Variants in MCPH1 observed in about 807,000 individuals in gnomAD.
MCPH1 encodes microcephalin.
MCPH1 carries 104 observed loss-of-function variants against 84.5 expected under a neutral mutation model. The observed-to-expected ratio is 1.23, with a 90% CI of 1.05 to 1.45. The LOEUF is 1.45. Ranked by LOEUF, MCPH1 falls within the 40% of genes most tolerant of loss-of-function variation. The probability of loss-of-function intolerance (pLI) is 0.00; values close to 1 mark genes in which losing one functional copy is unlikely to be tolerated. For missense variants in MCPH1, 1,498 were observed against 1,005.7 expected, an observed-to-expected ratio of 1.49 and a Z score of -6.62; for synonymous variants, 514 against 366.8, an observed-to-expected ratio of 1.40 and a Z score of -4.58.
At chr8:6,607,975 G>C (rs1829929554) in intron 12 of MCPH1, among the ~76,000 whole-genome samples, 1 of 152,214 alleles carries the variant, frequency 6.6e-6, no homozygotes, top group Non-Finnish European at 1.5e-5. Flanking sequence ...GTGGAGCTGG[G>C]AAAGGCCAGA....
At chr8:6,423,339 G>A (rs957262569) in intron 3 of MCPH1, among the ~76,000 whole-genome samples, 1 of 150,090 alleles carries the variant, frequency 6.7e-6, no homozygotes, top group Non-Finnish European at 1.5e-5. Flanking sequence ...TAATTTTTTT[G>A]TATTTTTAGT....
rs1344563250 is a variant in MCPH1, at chr8:6,553,355, T to TGCACCAGTAAACCTAGCCAGCCCTC, written c.2214+53427_2214+53451dup. On this transcript the variant is annotated intron_variant, in intron 12 of 13. Transcript: ENST00000344683. The stretch of plus-strand genomic sequence containing the variant: ...AAAATGTTATTGTGTACTTTCAGAT[T>TGCACCAGTAAACCTAGCCAGCCCTC]GCACCAGTAAACCTAGCCAGCCCTC... 7.9e-5 allele frequency among the ~76,000 whole-genome samples: 12 copies of TGCACCAGTAAACCTAGCCAGCCCTC among 152,352 alleles called. No individual in the cohort carries two copies. The East Asian group carries it at 1.2e-3, about 15-fold the overall frequency.
chr8:6,615,013 T>C (rs1271094394), intron 12 of MCPH1, among the ~76,000 whole-genome samples: 2 of 152,214 alleles, frequency 1.3e-5, no homozygotes, highest in Non-Finnish European at 2.9e-5. Flanking sequence ...CTCAGGTTTC[T>C]AAGGTCCCCA....
At chr8:6,624,178 G>A (rs1327782894) in intron 13 of MCPH1, among the ~76,000 whole-genome samples, 2 of 152,236 alleles carry the variant, frequency 1.3e-5, no homozygotes, top group East Asian at 3.8e-4. Flanking sequence ...TTAATCCTGA[G>A]GCTTCGATCC....
chr8:6,571,472 C>G (rs1826657112), intron 12 of MCPH1, among the ~76,000 whole-genome samples: 1 of 152,168 alleles, frequency 6.6e-6, no homozygotes, highest in South Asian at 2.1e-4. Flanking sequence ...TATGTCCAGT[C>G]TCTTTGTCAT....
intron 12 of MCPH1, among the ~76,000 whole-genome samples, chr8:6,559,227 G>GATA (rs1825129097): frequency 3.4e-5 from 1 of 28,990 alleles, no homozygotes; most frequent in African/African-American, 8.6e-5. Context: ...AGCCACACAC[G>GATA]ACAACACACA....
rs535669978 is a variant in MCPH1, at chr8:6,585,015, C to A, written c.2215-36439C>A. Among the ~76,000 whole-genome samples, 3 of 152,324 alleles carry A rather than the reference C, an allele frequency of 2.0e-5. No individual in the cohort carries two copies. In the South Asian group the frequency reaches 6.2e-4, roughly 32 times the overall value. On this transcript the variant is annotated intron_variant, in intron 12 of 13. Transcript: ENST00000344683. Reference sequence around the variant, plus strand: ...TGAAGCAGTAGATATCCCCTCTGATCCCCATCCCAGTGCGAGGGCACAGTG... The same window carrying A: ...TGAAGCAGTAGATATCCCCTCTGATACCCATCCCAGTGCGAGGGCACAGTG...
chr8:6,564,957 T>C (rs1826029497), intron 12 of MCPH1, among the ~76,000 whole-genome samples: 2 of 152,230 alleles, frequency 1.3e-5, no homozygotes, highest in South Asian at 4.1e-4. Flanking sequence ...AGACATGCTC[T>C]GGAAGGATCT....
At chr8:6,577,777 A>T (rs1827233193) in intron 12 of MCPH1, among the ~76,000 whole-genome samples, 1 of 152,360 alleles carries the variant, frequency 6.6e-6, no homozygotes, top group East Asian at 1.9e-4. Context: ...CAAGAGATAC[A>T]AATTAAGGAA....
intron 12 of MCPH1, among the ~76,000 whole-genome samples, chr8:6,557,159 G>A (rs1316567527): frequency 2.0e-5 from 3 of 152,168 alleles, no homozygotes; most frequent in African/African-American, 7.2e-5. Flanking sequence ...CCAGCCCCAC[G>A]GAAAATTCTG....
intron 12 of MCPH1, among the ~76,000 whole-genome samples, chr8:6,513,388 C>T (rs1274346029): frequency 1.3e-5 from 2 of 150,188 alleles, no homozygotes; most frequent in East Asian, 2.0e-4. Flanking sequence ...GTTGCAGTGC[C>T]GTGGCACGAT....
intron 12 of MCPH1, among the ~76,000 whole-genome samples, chr8:6,521,574 GA>G (rs1817347816): frequency 6.6e-6 from 1 of 152,188 alleles, no homozygotes; most frequent in Non-Finnish European, 1.5e-5. Flanking sequence ...TTGCTGAGAA[GA>G]TTAGATATAT....
intron 3 of MCPH1, among the ~76,000 whole-genome samples, chr8:6,419,792 C>G (rs1244574624): frequency 1.3e-5 from 2 of 152,068 alleles, no homozygotes; most frequent in African/African-American, 4.8e-5. Flanking sequence ...AGCCACTGCA[C>G]CCAGCTGATA....
intron 12 of MCPH1, among the ~76,000 whole-genome samples, chr8:6,546,928 A>G (rs1413789653): frequency 6.6e-6 from 1 of 152,238 alleles, no homozygotes; most frequent in African/African-American, 2.4e-5. Flanking sequence ...TGAAATCACT[A>G]GGAAAAACAG....
chr8:6,530,077 T>C (rs1819175924), intron 12 of MCPH1, among the ~76,000 whole-genome samples: 1 of 152,056 alleles, frequency 6.6e-6, no homozygotes, highest in South Asian at 2.1e-4. Flanking sequence ...ATATAAGAAA[T>C]GTTGTAGTTT....
intron 12 of MCPH1, among the ~76,000 whole-genome samples, chr8:6,574,575 A>C (rs1041597312): frequency 5.3e-5 from 8 of 152,214 alleles, no homozygotes; most frequent in Non-Finnish European, 1.0e-4. Context: ...AAAACACCTA[A>C]AGGGGACAGA....
chr8:6,608,616 C>A (rs949393481), intron 12 of MCPH1, among the ~76,000 whole-genome samples: 3 of 152,170 alleles, frequency 2.0e-5, no homozygotes, highest in Non-Finnish European at 4.4e-5. Context: ...GATTCTCATT[C>A]GGTCCTTTGC....
chr8:6,557,688 TAC>T (rs112788253), intron 12 of MCPH1, among the ~76,000 whole-genome samples: 8,817 of 148,724 alleles, frequency 0.059, 405 homozygotes, highest in African/African-American at 0.13. Context: ...TATGTGTGTG[TAC>T]ACACACACAC....
intron 12 of MCPH1, among the ~76,000 whole-genome samples, chr8:6,555,372 C>T (rs1824412653): frequency 6.6e-6 from 1 of 152,146 alleles, no homozygotes; most frequent in Non-Finnish European, 1.5e-5. Flanking sequence ...ACTTCCAGAA[C>T]AGGGCTGTAA....
Sources: gnomAD v4.1 joint callset for allele counts (sites outside exome capture counted in the v4.1 genomes callset) on GRCh38, gnomAD v4.1.1 for gene constraint, MANE v1.5 for transcripts, NCBI Gene and HGNC (gene_info 2026-07-23, HGNC 2026-07-21) for gene names.